The following ROR2 variants were observed in gnomAD, a reference collection of about 807,000 sequenced individuals.
The protein encoded by ROR2 is tyrosine-protein kinase transmembrane receptor ROR2.
ROR2 carries 33 observed loss-of-function variants against 74.9 expected under a neutral mutation model. That is an observed-to-expected ratio of 0.44 (90% CI 0.33 to 0.59). The LOEUF is 0.59. ROR2 is among the 20% of genes least tolerant of loss of function. The probability of loss-of-function intolerance (pLI) is 0.02; values close to 1 mark genes in which losing one functional copy is unlikely to be tolerated. For missense variants in ROR2, 1,216 were observed against 1,313.8 expected (o/e 0.93, Z 1.15); for synonymous variants, 586 against 558.7 (o/e 1.05, Z -0.69).
chr9:91,824,598 C>T (rs1407391763), intron 1 of ROR2, among the ~76,000 whole-genome samples: 2 of 152,174 alleles, frequency 1.3e-5, no homozygotes, highest in Admixed American at 6.5e-5. Context: ...GAAATGCAAC[C>T]AAATCCCAAT....
intron 7 of ROR2, among the ~76,000 whole-genome samples, chr9:91,729,405 T>C (rs1157139901): frequency 1.3e-5 from 2 of 152,240 alleles, no homozygotes; most frequent in Non-Finnish European, 2.9e-5. Flanking sequence ...AATTTCATTC[T>C]TAAAATTTGT....
At chr9:91,903,473 T>TC (rs977689864) in intron 1 of ROR2, among the ~76,000 whole-genome samples, 16 of 151,928 alleles carry the variant, frequency 1.1e-4, no homozygotes, top group South Asian at 6.2e-4. Context: ...ATTCGTTGTG[T>TC]CTTTTTTTTT....
intron 1 of ROR2, among the ~76,000 whole-genome samples, chr9:91,845,481 A>C (rs886591664): frequency 3.3e-5 from 5 of 152,156 alleles, no homozygotes; most frequent in Non-Finnish European, 2.9e-5. Context: ...GGGAGTTCCC[A>C]GTCAGCACCT....
intron 1 of ROR2, among the ~76,000 whole-genome samples, chr9:91,943,955 A>G (rs568811730): frequency 1.3e-5 from 2 of 152,348 alleles, no homozygotes; most frequent in East Asian, 3.9e-4. Context: ...CAATGTTAAA[A>G]GACTGAAAGC....
intron 1 of ROR2, among the ~76,000 whole-genome samples, chr9:91,852,254 T>C (rs188975503): frequency 6.6e-6 from 1 of 152,344 alleles, no homozygotes; most frequent in Admixed American, 6.5e-5. Context: ...CCTTGCATTT[T>C]CTAAATAGAC....
chr9:91,798,730 A>G (rs976001901), intron 1 of ROR2, among the ~76,000 whole-genome samples: 1 of 151,746 alleles, frequency 6.6e-6, no homozygotes, highest in Non-Finnish European at 1.5e-5. Context: ...CTTGTCCATG[A>G]ATTTTTCAGT....
intron 1 of ROR2, among the ~76,000 whole-genome samples, chr9:91,914,765 G>A (rs1020954809): frequency 6.2e-5 from 7 of 112,468 alleles, no homozygotes; most frequent in African/African-American, 2.4e-4. Flanking sequence ...GTGTAGATCT[G>A]TCATGACTAG....
At chr9:91,735,606 CTTTTTTTTTTTTTTTTTTTTT>C (rs35146225) in intron 5 of ROR2, among the ~76,000 whole-genome samples, 14 of 79,012 alleles carry the variant, frequency 1.8e-4, no homozygotes, top group Admixed American at 5.3e-4. Flanking sequence ...AGGGCTCTAA[CTTTTTTTTTTTTTTTTTTTTT>C]TTTTTTTTTT....
chr9:91,788,220 G>A (rs1398046332), intron 1 of ROR2, among the ~76,000 whole-genome samples: 1 of 151,520 alleles, frequency 6.6e-6, no homozygotes, highest in African/African-American at 2.4e-5. Context: ...AGACCCATAG[G>A]GCACTATCAA....
intron 1 of ROR2, among the ~76,000 whole-genome samples, chr9:91,935,654 CA>C (rs1056659907): frequency 8.5e-5 from 13 of 152,222 alleles, no homozygotes; most frequent in African/African-American, 3.1e-4. Context: ...CGCCTGGCAT[CA>C]GGGGGCTTGG....
At chr9:91,887,609 C>T (rs1320972866) in intron 1 of ROR2, among the ~76,000 whole-genome samples, 3 of 152,094 alleles carry the variant, frequency 2.0e-5, no homozygotes, top group Non-Finnish European at 4.4e-5. Context: ...CTTATGGTTT[C>T]CTTGCGCCCT....
At chr9:91,856,587 T>G (rs534191802) in intron 1 of ROR2, among the ~76,000 whole-genome samples, 1 of 151,896 alleles carries the variant, frequency 6.6e-6, no homozygotes, top group African/African-American at 2.4e-5. Context: ...ACGTGATGAG[T>G]CAGGGAGAGG....
Position 91,726,619 on chromosome 9 carries a change from C to G in ROR2, c.1308G>C (p.Ala436=). The stretch of plus-strand genomic sequence containing the variant: ...TCAGCTGTCGCCGCTGCGGTGTGGA[C>G]GCAGATGCCTTCTGCTTATTCCGGC... ...CMCRNKQKAS[A]STPQRRQLMA... The change falls in exon 8 of 9, where the codon GCG becomes GCC. Residue 436 remains alanine (A), a synonymous_variant. Transcript: ENST00000375708. The G allele has an allele frequency of 6.2e-7, 1 of 1,613,922 alleles. No individual in the cohort carries two copies. Among genetic ancestry groups the G allele is most frequent in the Non-Finnish European group, 8.5e-7 (1 of 1,180,030 alleles).
chr9:91,730,442 A>C (rs552473434), intron 7 of ROR2, among the ~76,000 whole-genome samples: 11 of 152,256 alleles, frequency 7.2e-5, no homozygotes, highest in African/African-American at 2.6e-4. Context: ...TACTTTCATA[A>C]CAACCAATAA....
chr9:91,909,093 T>C (rs79506341), intron 1 of ROR2, among the ~76,000 whole-genome samples: 2,714 of 152,300 alleles, frequency 0.018, 90 homozygotes, highest in African/African-American at 0.062. Flanking sequence ...AAACAACCTA[T>C]ATAATTTCTT....
Position 91,733,124 on chromosome 9 carries a change from C to A in ROR2, c.935G>T (p.Arg312Leu). ...GCCCCGGGCCCTCGGGCACTCACAG[C>A]GGCCCAGCCTCTCGGCTGGGATGCC... ...RIGIPAERLGRYHQCYNGSGM... is the reference protein window; with the variant it reads ...RIGIPAERLGLYHQCYNGSGM... The change falls in exon 6 of 9, where the codon CGC becomes CTC. Residue 312 changes from arginine (R) to leucine (L), a missense_variant and splice_region_variant. Transcript: ENST00000375708. This position sits in a 1 kb window ranked among gnomAD's most constrained non-coding sequence, Gnocchi z 5.7. 2.5e-6 allele frequency: 4 copies of A among 1,591,234 alleles called. No individual in the cohort carries two copies. The highest frequency in any genetic ancestry group is 3.4e-6 in the Non-Finnish European group (4 of 1,171,020).
intron 2 of ROR2, among the ~76,000 whole-genome samples, chr9:91,766,820 C>G (rs1031684169): frequency 2.0e-5 from 3 of 152,224 alleles, no homozygotes; most frequent in Admixed American, 6.5e-5. Context: ...GGGCAGCACT[C>G]ACACTCCATA....
intron 1 of ROR2, among the ~76,000 whole-genome samples, chr9:91,883,569 T>C (rs1432106934): frequency 6.6e-6 from 1 of 152,232 alleles, no homozygotes; most frequent in Non-Finnish European, 1.5e-5. Context: ...AATAGGGACA[T>C]GTGGCTGCAG....
chr9:91,826,162 C>T (rs1456015473), intron 1 of ROR2, among the ~76,000 whole-genome samples: 2 of 152,202 alleles, frequency 1.3e-5, no homozygotes, highest in African/African-American at 2.4e-5. Flanking sequence ...AGCGTGACTA[C>T]CAGGCTTCAG....
Sources: allele counts gnomAD v4.1 joint callset (sites outside exome capture counted in the v4.1 genomes callset), GRCh38; gene constraint gnomAD v4.1.1; non-coding constraint Gnocchi (gnomAD v3.1); transcripts MANE v1.5; gene names NCBI Gene and HGNC (gene_info 2026-07-23, HGNC 2026-07-21).